CHAC1: variants seen among roughly 807,000 people sequenced by gnomAD.
CHAC1 encodes the protein ChaC glutathione specific gamma-glutamylcyclotransferase 1.
Under a neutral mutation model 22.1 loss-of-function variants are expected in CHAC1, and 22 were observed. The observed-to-expected ratio is 1.00, with a 90% CI of 0.71 to 1.42. The LOEUF (loss-of-function observed/expected upper bound fraction) is 1.42. CHAC1 is among the 40% of genes most tolerant of loss of function. The pLI, the probability that CHAC1 is intolerant of heterozygous loss-of-function variation, is 0.00. For missense variants in CHAC1, 272 were observed against 299.2 expected, an observed-to-expected ratio of 0.91 and a Z score of 0.67; for synonymous variants, 145 against 128.7, an observed-to-expected ratio of 1.13 and a Z score of -0.86.
In CHAC1 at chr15:40,955,849, T is replaced by TG. The variant is rs1893235049; in HGVS notation, c.*76dup. 3 of 1,430,362 alleles carry TG rather than the reference T, an allele frequency of 2.1e-6. No homozygotes were observed. 88.6% of individuals were successfully genotyped at this position (1,430,362 alleles called of 1,614,324 possible). A position where few individuals can be genotyped will look rare whatever the true frequency, so the allele number is the denominator to read the frequency against. On this transcript the variant is annotated 3_prime_UTR_variant, in exon 3 of 3. Coordinates refer to ENST00000617768, the MANE Select transcript of CHAC1 (RefSeq NM_024111.6). ...CCCACTCCAGTGCACAAGACAGACT[T>TG]GCGACCGCTTGAGCCCACTGAGCAG... is the stretch of plus-strand genomic sequence containing the variant.
At position 40,953,532 on chromosome 15, in the gene CHAC1, C is replaced by G. The variant is rs1299004757; in HGVS notation, c.-52C>G. 6.2e-7 allele frequency: 1 copy of G among 1,605,502 alleles called. No individual in the cohort carries two copies. Among genetic ancestry groups the G allele is most frequent in the Non-Finnish European group, 8.5e-7 (1 of 1,178,506 alleles). On this transcript the variant is annotated 5_prime_UTR_variant, in exon 1 of 3. Transcript: ENST00000617768. Reference sequence around the variant, plus strand: ...GCGTCCGTCGGTCTTTCCGTGCCCACGCCGGAGACCAGCCCCGGAGGCCGC... The same window carrying G: ...GCGTCCGTCGGTCTTTCCGTGCCCAGGCCGGAGACCAGCCCCGGAGGCCGC...
At position 40,954,212 on chromosome 15, in the gene CHAC1, T is replaced by G. The variant is rs1373736531; in HGVS notation, c.232-16T>G. ...TTTCTAACTTGTCTATTTCAAAATA[T>G]TTCTTCCCTCCCTAGCCTGGCCGTG... On this transcript the variant is annotated splice_polypyrimidine_tract_variant and intron_variant, in intron 1 of 2. Transcript: ENST00000617768. The G allele has an allele frequency of 6.2e-7, 1 of 1,613,820 alleles. No individual in the cohort carries two copies. The highest frequency in any genetic ancestry group is 8.5e-7 in the Non-Finnish European group (1 of 1,179,886).
rs1566887112 is a variant in CHAC1, at chr15:40,956,036, G to A, written c.*262G>A. 2.2e-6 allele frequency: 1 copy of A among 454,732 alleles called. No individual in the cohort carries two copies. The highest frequency in any genetic ancestry group is 3.6e-5 in the East Asian group (1 of 27,532). 28.2% of individuals were successfully genotyped at this position (454,732 alleles called of 1,614,324 possible). ...CTGCCCTGGACACAGGGGCCCTGCT[G>A]AGCAGTGGCCCCATCCTGGAACTTG... On this transcript the variant is annotated 3_prime_UTR_variant, in exon 3 of 3. Coordinates refer to ENST00000617768, the MANE Select transcript of CHAC1 (RefSeq NM_024111.6).
At chr15:40,954,830 C>A (rs1235690011) in intron 2 of CHAC1, among the ~76,000 whole-genome samples, 4 of 151,752 alleles carry the variant, frequency 2.6e-5, no homozygotes, top group African/African-American at 9.7e-5. Context: ...TCTGGAACTC[C>A]TGATCTCAAG....
chr15:40,954,766 G>A (rs995211993), intron 2 of CHAC1, among the ~76,000 whole-genome samples: 2 of 151,946 alleles, frequency 1.3e-5, no homozygotes, highest in African/African-American at 4.8e-5. Flanking sequence ...ACCACACTCA[G>A]CTAATTTTTG....
In CHAC1 at chr15:40,954,245, G is replaced by A. The variant is rs1399598772; in HGVS notation, c.249G>A (p.Thr83=). The A allele has an allele frequency of 1.2e-6, 2 of 1,613,952 alleles. No individual in the cohort carries two copies. Among genetic ancestry groups the A allele is most frequent in the Admixed American group, 1.7e-5 (1 of 60,004 alleles). The change falls in exon 2 of 3, where the codon ACG becomes ACA. Residue 83 remains threonine (T), a synonymous_variant. Transcript: ENST00000617768. The part of the protein sequence containing the change: ...GSDKMPGRVV[T]LLEDHEGCTW... ...CTCCCTAGCCTGGCCGTGTGGTGAC[G>A]CTCCTTGAAGATCATGAGGTAAGTG...
rs913302404 is a variant in CHAC1 at position 40,955,259 on chromosome 15, G to C, written c.268-114G>C. Reference sequence around the variant, plus strand: ...ACTGCCACCAGATGGCTCATCAGCCGACCACAGCCTCCCTTATAGAGCACA... The same window carrying C: ...ACTGCCACCAGATGGCTCATCAGCCCACCACAGCCTCCCTTATAGAGCACA... On this transcript the variant is annotated intron_variant, in intron 2 of 2. Transcript: ENST00000617768. 1.1e-5 allele frequency: 13 copies of C among 1,176,274 alleles called. No homozygotes were observed. The East Asian group carries it at 2.9e-4, about 26-fold the overall frequency. The allele number at this position is 1,176,274 out of a possible 1,614,324, so 72.9% of individuals were successfully genotyped here.
chr15:40,955,616 T>A lies in CHAC1; in HGVS notation c.511T>A (p.Phe171Ile), dbSNP rs752108072. The A allele has an allele frequency of 3.7e-6, 6 of 1,613,872 alleles. No homozygotes were observed. In the South Asian group the frequency reaches 4.4e-5, roughly 12 times the overall value. Residue 171 changes from phenylalanine to isoleucine, a missense_variant, in exon 3 of 3, where the codon TTC (phenylalanine) becomes ATC (isoleucine). Coordinates refer to ENST00000617768, the MANE Select transcript of CHAC1 (RefSeq NM_024111.6). ...CACGCAGATCCTGGCCTGCCGGGGCTTCTCCGGCCACAACCTTGAATACTT... is the reference window on the plus strand; with the variant it reads ...CACGCAGATCCTGGCCTGCCGGGGCATCTCCGGCCACAACCTTGAATACTT... Reference protein sequence around the residue: ...IATQILACRGFSGHNLEYLLR... With the variant: ...IATQILACRGISGHNLEYLLR...
intron 1 of CHAC1, 33 bp from the exon 2 acceptor site, chr15:40,954,195 T>G (rs1195786049): frequency 6.2e-6 from 10 of 1,612,650 alleles, no homozygotes; most frequent in Non-Finnish European, 8.5e-6. Flanking sequence ...GATTTCTAAC[T>G]TGTCTATTTC....
rs754229078 is a variant in CHAC1 at position 40,954,283 on chromosome 15, A to AG, written c.267+24dup. ...CATGAGGTAAGTGCCCGAATCATGA[A>AG]GGGGAACCCTGGCCCAGTGTGAAGG... On this transcript the variant is annotated intron_variant, in intron 2 of 2. Transcript: ENST00000617768. 1 of 1,613,614 alleles carries AG rather than the reference A, an allele frequency of 6.2e-7. No individual in the cohort carries two copies. The highest frequency in any genetic ancestry group is 2.2e-5 in the East Asian group (1 of 44,890).
Position 40,955,475 on chromosome 15 carries a change from AAGG to A in CHAC1, c.374_376del (p.Glu125del). 1.2e-6 allele frequency: 2 copies of A among 1,614,144 alleles called. No homozygotes were observed. Among genetic ancestry groups the A allele is most frequent in the South Asian group, 2.2e-5 (2 of 91,088 alleles). Reference sequence around the variant, plus strand: ...GGCAGTGCTTGGTGGCTACGATACCAAGGAGGTCACCTTCTATCCCCAAGATGC... The same window carrying A: ...GGCAGTGCTTGGTGGCTACGATACCAAGGTCACCTTCTATCCCCAAGATGC... On this transcript the variant is annotated inframe_deletion, in exon 3 of 3. Transcript: ENST00000617768.
intron 2 of CHAC1, among the ~76,000 whole-genome samples, chr15:40,955,012 C>T (rs913204141): frequency 6.6e-6 from 1 of 151,310 alleles, no homozygotes; most frequent in Non-Finnish European, 1.5e-5. Context: ...TACTGCCTCA[C>T]CCTCCCGAGT....
At position 40,955,592 on chromosome 15, in the gene CHAC1, A is replaced by T; in HGVS notation, c.487A>T (p.Thr163Ser). 6.2e-7 allele frequency: 1 copy of T among 1,614,062 alleles called. No individual in the cohort carries two copies. The highest frequency in any genetic ancestry group is 8.5e-7 in the Non-Finnish European group (1 of 1,180,042). Residue 163 changes from threonine (T) to serine (S), a missense_variant, in exon 3 of 3, where the codon ACG becomes TCG. Physicochemically the swap from Thr to Ser is moderately conservative, Grantham distance 58. Transcript: ENST00000617768. ...LGPAPEEAIA[T>S]QILACRGFSG... Reference sequence around the variant, plus strand: ...CCCTGCGCCTGAAGAGGCCATTGCCACGCAGATCCTGGCCTGCCGGGGCTT... The same window carrying T: ...CCCTGCGCCTGAAGAGGCCATTGCCTCGCAGATCCTGGCCTGCCGGGGCTT...
In CHAC1 at chr15:40,953,497, C is replaced by G. The variant is rs780945495; in HGVS notation, c.-87C>G. 7 of 1,579,482 alleles carry G rather than the reference C, an allele frequency of 4.4e-6. No homozygotes were observed. In the South Asian group the frequency reaches 6.9e-5, roughly 15 times the overall value. On this transcript the variant is annotated 5_prime_UTR_variant, in exon 1 of 3. Coordinates refer to ENST00000617768, the MANE Select transcript of CHAC1 (RefSeq NM_024111.6). ...GCTGGAGCTACCGAGCGGTGCCAGG[C>G]CAGGTGTGTGCGTCCGTCGGTCTTT... is the stretch of plus-strand genomic sequence containing the variant.
In CHAC1 at chr15:40,953,747, G is replaced by T; in HGVS notation, c.164G>T (p.Gly55Val). The T allele has an allele frequency of 1.9e-6, 3 of 1,601,700 alleles. No homozygotes were observed. The highest frequency in any genetic ancestry group is 2.5e-6 in the Non-Finnish European group (3 of 1,179,640). The change falls in exon 1 of 3, where the codon GGC (glycine) becomes GTC (valine). Residue 55 changes from glycine (G) to valine (V), a missense_variant. By Grantham distance (109) the Gly-to-Val change is moderately radical. Transcript: ENST00000617768. The part of the protein sequence containing the change: ...PDFAYSDSRV[G>V]FVRGYSRRFW... ...TTCGCCTACAGCGACAGCCGTGTGG[G>T]CTTCGTGCGCGGCTACAGCCGCCGT...
chr15:40,955,276 T>C, intron 2 of CHAC1, 97 bp from the exon 3 acceptor site: 3 of 1,366,560 alleles, frequency 2.2e-6, no homozygotes, highest in African/African-American at 1.4e-5. Flanking sequence ...GCCTCCCTTA[T>C]AGAGCACAGT....
chr15:40,956,001 G>A lies in CHAC1; in HGVS notation c.*227G>A. The stretch of plus-strand genomic sequence containing the variant: ...TTGCACCATGTTGGTGTGGTGGGCA[G>A]GTGGAGGGCCTGCCCTGGACACAGG... On this transcript the variant is annotated 3_prime_UTR_variant, in exon 3 of 3. Coordinates refer to ENST00000617768, the MANE Select transcript of CHAC1 (RefSeq NM_024111.6). 1.8e-6 allele frequency: 1 copy of A among 561,130 alleles called. No individual in the cohort carries two copies. Among genetic ancestry groups the A allele is most frequent in the Non-Finnish European group, 3.1e-6 (1 of 319,384 alleles). 34.8% of individuals were successfully genotyped at this position (561,130 alleles called of 1,614,324 possible). A position where few individuals can be genotyped will look rare whatever the true frequency, so the allele number is the denominator to read the frequency against.
Position 40,956,070 on chromosome 15 carries a change from C to T in CHAC1, c.*296C>T, listed in dbSNP as rs1296273485. On this transcript the variant is annotated 3_prime_UTR_variant, in exon 3 of 3. Coordinates refer to ENST00000617768, the MANE Select transcript of CHAC1 (RefSeq NM_024111.6). Reference sequence around the variant, plus strand: ...CCCCATCCTGGAACTTGACCAGATTCCCCCCAGTGCTGCTGCTAACCCCAC... The same window carrying T: ...CCCCATCCTGGAACTTGACCAGATTTCCCCCAGTGCTGCTGCTAACCCCAC... 5 of 347,748 alleles carry T rather than the reference C, an allele frequency of 1.4e-5. No individual in the cohort carries two copies. The East Asian group carries it at 2.0e-4, about 14-fold the overall frequency. 21.5% of individuals were successfully genotyped at this position (347,748 alleles called of 1,614,324 possible). A position where few individuals can be genotyped will look rare whatever the true frequency, so the allele number is the denominator to read the frequency against.
At chr15:40,954,035 T>C (rs531036692) in intron 1 of CHAC1, among the ~76,000 whole-genome samples, 193 bp from the exon 2 acceptor site, 1 of 27,018 alleles carries the variant, frequency 3.7e-5, no homozygotes, top group African/African-American at 4.5e-5. Flanking sequence ...CTGGGACCAC[T>C]GACATGTCAG....
Sources: gnomAD v4.1 joint callset for allele counts (sites outside exome capture counted in the v4.1 genomes callset) on GRCh38, gnomAD v4.1.1 for gene constraint, MANE v1.5 for transcripts, NCBI Gene and HGNC (gene_info 2026-07-23, HGNC 2026-07-21) for gene names.